The following PTPRD variants were observed in gnomAD, a reference collection of about 807,000 sequenced individuals.
The protein encoded by PTPRD is protein tyrosine phosphatase receptor type D, also known as receptor-type tyrosine-protein phosphatase delta.
PTPRD carries 34 observed loss-of-function variants against 214.5 expected under a neutral mutation model. The ratio of observed to expected loss-of-function variants is 0.16; its 90% confidence interval spans 0.12 to 0.21. The LOEUF (loss-of-function observed/expected upper bound fraction) is 0.21. Ranked by LOEUF, PTPRD falls within the 10% of genes least tolerant of loss-of-function variation. PTPRD has a pLI of 1.00. For missense variants in PTPRD, 2,545 were observed against 2,398.7 expected, an observed-to-expected ratio of 1.06 and a Z score of -1.27; for synonymous variants, 1,128 against 845.7, an observed-to-expected ratio of 1.33 and a Z score of -5.79.
intron 33 of PTPRD, among the ~76,000 whole-genome samples, chr9:8,456,746 G>T (rs1267188105): frequency 6.6e-6 from 1 of 151,874 alleles, no homozygotes; most frequent in Non-Finnish European, 1.5e-5. Flanking sequence ...CCACATCCTG[G>T]GATGGGGATG....
chr9:10,430,379 T>C (rs1469300534), intron 2 of PTPRD, among the ~76,000 whole-genome samples: 1 of 151,956 alleles, frequency 6.6e-6, no homozygotes, highest in Non-Finnish European at 1.5e-5. Context: ...ATTTAAATAA[T>C]GGTTAAATTA....
chr9:10,306,029 C>T (rs952652895), intron 3 of PTPRD, among the ~76,000 whole-genome samples: 2 of 152,110 alleles, frequency 1.3e-5, no homozygotes, highest in African/African-American at 4.8e-5. Flanking sequence ...ACCCAAATGC[C>T]CATCAATGAT....
chr9:8,667,833 C>G (rs1596456401), intron 12 of PTPRD, among the ~76,000 whole-genome samples: 1 of 152,032 alleles, frequency 6.6e-6, no homozygotes, highest in East Asian at 1.9e-4. Context: ...AAGAAATACT[C>G]AACCTGTATC....
chr9:9,896,225 T>C (rs190691669), intron 5 of PTPRD, among the ~76,000 whole-genome samples: 1 of 152,196 alleles, frequency 6.6e-6, no homozygotes, highest in African/African-American at 2.4e-5. Flanking sequence ...AATATGACTA[T>C]TTCCATGATA....
chr9:9,254,846 C>G (rs2099977041), intron 9 of PTPRD, among the ~76,000 whole-genome samples: 1 of 152,006 alleles, frequency 6.6e-6, no homozygotes, highest in Non-Finnish European at 1.5e-5. Flanking sequence ...TTGTAGGATA[C>G]CAAGCCACCA....
intron 12 of PTPRD, among the ~76,000 whole-genome samples, chr9:8,658,815 G>T (rs2096967925): frequency 6.6e-6 from 1 of 152,028 alleles, no homozygotes; most frequent in Non-Finnish European, 1.5e-5. Context: ...CTTCAAGAAG[G>T]CTGGAATACT....
intron 7 of PTPRD, among the ~76,000 whole-genome samples, chr9:9,599,238 G>C (rs1293561223): frequency 6.6e-6 from 1 of 152,042 alleles, no homozygotes; most frequent in Non-Finnish European, 1.5e-5. Flanking sequence ...TGAGTCCCAT[G>C]ATAATGTCAT....
intron 10 of PTPRD, among the ~76,000 whole-genome samples, chr9:9,107,243 G>A (rs2099799918): frequency 6.6e-6 from 1 of 152,114 alleles, no homozygotes; most frequent in African/African-American, 2.4e-5. Flanking sequence ...TACACCCATT[G>A]ATTCTGAAGA....
chr9:9,345,715 T>A (rs1231738397), intron 9 of PTPRD, among the ~76,000 whole-genome samples: 1 of 152,136 alleles, frequency 6.6e-6, no homozygotes, highest in Non-Finnish European at 1.5e-5. Context: ...TCCAGTAGTA[T>A]GGTCTTGGAT....
chr9:8,357,256 A>T (rs1268607064), intron 39 of PTPRD, among the ~76,000 whole-genome samples: 4 of 152,298 alleles, frequency 2.6e-5, no homozygotes, highest in Non-Finnish European at 5.9e-5. Flanking sequence ...TGCTTTTCCT[A>T]ACTTTACCAG....
chr9:9,371,475 T>G (rs2139787336), intron 9 of PTPRD, among the ~76,000 whole-genome samples: 2 of 152,346 alleles, frequency 1.3e-5, no homozygotes, highest in South Asian at 2.1e-4. Flanking sequence ...TTATCATTTT[T>G]TATTGCGTCT....
At chr9:9,053,598 T>A (rs1254292173) in intron 10 of PTPRD, among the ~76,000 whole-genome samples, 1 of 152,158 alleles carries the variant, frequency 6.6e-6, no homozygotes, top group Non-Finnish European at 1.5e-5. Context: ...ACACCTTGAT[T>A]TTTGACTTCT....
intron 5 of PTPRD, among the ~76,000 whole-genome samples, chr9:9,770,026 G>A (rs573239474): frequency 1.3e-5 from 2 of 152,220 alleles, no homozygotes; most frequent in East Asian, 3.9e-4. Flanking sequence ...CATTTGGGTT[G>A]GTCCCAAGTC....
At chr9:9,081,309 G>C (rs2099758676) in intron 10 of PTPRD, among the ~76,000 whole-genome samples, 1 of 152,162 alleles carries the variant, frequency 6.6e-6, no homozygotes, top group African/African-American at 2.4e-5. Flanking sequence ...TCGATTTTGA[G>C]TGAATTTCTT....
At chr9:9,594,198 C>T (rs986647262) in intron 7 of PTPRD, among the ~76,000 whole-genome samples, 4 of 152,026 alleles carry the variant, frequency 2.6e-5, no homozygotes, top group African/African-American at 7.2e-5. Flanking sequence ...TCCCAGGACA[C>T]ACATGTGAGA....
At chr9:9,509,438 C>A (rs2096646616) in intron 8 of PTPRD, among the ~76,000 whole-genome samples, 1 of 151,462 alleles carries the variant, frequency 6.6e-6, no homozygotes, top group South Asian at 2.1e-4. Flanking sequence ...CTGAAACTTA[C>A]TAGATCATCA....
rs1405644963 is a variant in PTPRD at position 10,344,915 on chromosome 9, T to C, written c.-599-3898A>G. On this transcript the variant is annotated intron_variant, in intron 2 of 45. Transcript: ENST00000381196. ...TTTTCTCATGCCTTGCTTTCTCTGT[T>C]GTCTCATATTTATGTTATTCATTTT... Among the ~76,000 whole-genome samples the C allele has an allele frequency of 3.3e-5, 5 of 152,290 alleles. No homozygotes were observed. The East Asian group carries it at 9.7e-4, about 29-fold the overall frequency.
At chr9:10,545,332 T>G (rs570535326) in intron 2 of PTPRD, among the ~76,000 whole-genome samples, 207 of 152,294 alleles carry the variant, frequency 1.4e-3, no homozygotes, top group Admixed American at 2.4e-3. Flanking sequence ...GAAAATTGTG[T>G]GGCTGTATTG....
chr9:9,539,823 A>C (rs2077226489), intron 8 of PTPRD, among the ~76,000 whole-genome samples: 2 of 151,884 alleles, frequency 1.3e-5, no homozygotes, highest in South Asian at 2.1e-4. Context: ...CTAAGCACAT[A>C]AAGGTGAATA....
Sources: gnomAD v4.1 joint callset for allele counts (sites outside exome capture counted in the v4.1 genomes callset) on GRCh38, gnomAD v4.1.1 for gene constraint, MANE v1.5 for transcripts, NCBI Gene and HGNC (gene_info 2026-07-23, HGNC 2026-07-21) for gene names.